The following RBM43 variants were observed in gnomAD, a reference collection of about 807,000 sequenced individuals.
RBM43 encodes RNA binding motif protein 43.
A neutral mutation model predicts 12.4 loss-of-function variants in RBM43; 12 were observed. The ratio of observed to expected loss-of-function variants is 0.97; its 90% CI spans 0.62 to 1.57. The LOEUF (loss-of-function observed/expected upper bound fraction) is 1.57, where lower values mean the gene tolerates loss of function less well. Ranked by LOEUF, RBM43 falls within the 40% of genes most tolerant of loss-of-function variation. The pLI is 0.00. For synonymous variants in RBM43, 138 were observed against 145.7 expected (o/e 0.95, Z 0.38); for missense variants, 348 against 400.1 (o/e 0.87, Z 1.11).
chr2:151,261,729 GC>G lies in RBM43; in HGVS notation c.-3del. 1 of 1,602,368 alleles carries G rather than the reference GC, an allele frequency of 6.2e-7. No homozygotes were observed. The highest frequency in any genetic ancestry group is 1.1e-5 in the South Asian group (1 of 88,908). On this transcript the variant is annotated 5_prime_UTR_variant, in exon 1 of 4. Coordinates refer to ENST00000331426, the MANE Select transcript of RBM43 (RefSeq NM_198557.3). ...CCCAAAGCAAAAGCAACTTGCCATG[GC>G]GGAGGGGAGACGCGCCCTCAGCGGC... is the stretch of plus-strand genomic sequence containing the variant.
At chr2:151,253,813 C>T (rs561914626) in intron 2 of RBM43, among the ~76,000 whole-genome samples, 24 of 152,222 alleles carry the variant, frequency 1.6e-4, no homozygotes, top group Non-Finnish European at 3.2e-4. Flanking sequence ...CAGCTCATTC[C>T]ACTCCAGCCA....
At position 151,249,133 on chromosome 2, in the gene RBM43, C is replaced by T. The variant is rs1286333280; in HGVS notation, c.*1773G>A. 6.6e-6 allele frequency: 1 copy of T among 152,100 alleles called. No individual in the cohort carries two copies. Among genetic ancestry groups the T allele is most frequent in the East Asian group, 1.9e-4 (1 of 5,188 alleles). The allele number at this position is 152,100 out of a possible 1,614,324, so 9.4% of individuals were successfully genotyped here. ...GGGGGTGTAGGGGGTTCAAAGGGCC[C>T]CAACATGGGTACCTCATGCCATAAC... On this transcript the variant is annotated 3_prime_UTR_variant, in exon 4 of 4. Transcript: ENST00000331426.
rs71000461 is a variant in RBM43 at position 151,257,330 on chromosome 2, AC to A, written c.4-1588del. 8.1e-3 allele frequency among the ~76,000 whole-genome samples: 1,227 copies of A among 151,728 alleles called. 22 individuals are homozygous for A. Among genetic ancestry groups the A allele is most frequent in the African/African-American group, 0.028 (1,156 of 41,408 alleles). ...TGCACAAACACACACACACACACAC[AC>A]AAACACACACACACACACACAGTGT... On this transcript the variant is annotated intron_variant, in intron 1 of 3. Transcript: ENST00000331426.
At chr2:151,252,566 TA>T (rs1365626233) in intron 3 of RBM43, among the ~76,000 whole-genome samples, 188 bp downstream of exon 3, 4 of 152,132 alleles carry the variant, frequency 2.6e-5, no homozygotes, top group African/African-American at 9.7e-5. Flanking sequence ...CATAGAAAGA[TA>T]AAAATAGATG....
chr2:151,251,347 A>G lies in RBM43; in HGVS notation c.633T>C (p.Pro211=). 6.2e-7 allele frequency: 1 copy of G among 1,614,088 alleles called. No individual in the cohort carries two copies. Among genetic ancestry groups the G allele is most frequent in the East Asian group, 2.2e-5 (1 of 44,878 alleles). Residue 211 remains proline, a synonymous_variant, in exon 4 of 4, where the codon CCT becomes CCC. Transcript: ENST00000331426. The stretch of plus-strand genomic sequence containing the variant: ...GCATTTCTCCACTTCTAGCAGTCTC[A>G]GGTACTAAGGTCCTGACTGATGCCA... ...NSLASVRTLV[P]ETARSGEMLV...
chr2:151,261,729 G>A lies in RBM43; in HGVS notation c.-2C>T, dbSNP rs1313222647. 1 of 1,602,368 alleles carries A rather than the reference G, an allele frequency of 6.2e-7. No homozygotes were observed. The highest frequency in any genetic ancestry group is 8.5e-7 in the Non-Finnish European group (1 of 1,174,928). ...CCCAAAGCAAAAGCAACTTGCCATG[G>A]CGGAGGGGAGACGCGCCCTCAGCGG... On this transcript the variant is annotated 5_prime_UTR_variant, in exon 1 of 4. Coordinates refer to ENST00000331426, the MANE Select transcript of RBM43 (RefSeq NM_198557.3).
Position 151,255,598 on chromosome 2 carries a change from A to G in RBM43, c.149T>C (p.Val50Ala), listed in dbSNP as rs200443713. Residue 50 changes from valine to alanine, a missense_variant, in exon 2 of 4, where the codon GTT becomes GCT. Coordinates refer to ENST00000331426, the MANE Select transcript of RBM43 (RefSeq NM_198557.3). ...TCTTGTCGGATATATCACATCTTCA[A>G]CATCTCCGCCCTCATTCTTAATGTC... ...FQDIKNEGGD[V>A]EDVIYPTRTK... The G allele has an allele frequency of 6.2e-7, 1 of 1,613,992 alleles. No homozygotes were observed. Among genetic ancestry groups the G allele is most frequent in the South Asian group, 1.1e-5 (1 of 91,066 alleles).
intron 1 of RBM43, among the ~76,000 whole-genome samples, chr2:151,260,622 T>C (rs1683033932): frequency 6.6e-6 from 1 of 152,252 alleles, no homozygotes. Context: ...CTAGTTTCTA[T>C]GAATCATCTA....
chr2:151,252,126 G>A (rs1030510872), intron 3 of RBM43, among the ~76,000 whole-genome samples: 1 of 152,096 alleles, frequency 6.6e-6, no homozygotes, highest in African/African-American at 2.4e-5. Context: ...TCTCTTCAAA[G>A]CTTCTTTTTA....
At chr2:151,261,311 C>A (rs368851293) in intron 1 of RBM43, 1 of 1,550,636 alleles carries the variant, frequency 6.4e-7, no homozygotes. Flanking sequence ...TCTGGCTAAT[C>A]AGGCCACTTT....
At chr2:151,255,503 T>C (rs1171304991) in intron 2 of RBM43, 30 bp downstream of exon 2, 1 of 1,436,310 alleles carries the variant, frequency 7.0e-7, no homozygotes. Context: ...GAAGTATTTC[T>C]AAAATTACAA....
intron 2 of RBM43, 111 bp from the exon 3 acceptor site, chr2:151,252,966 T>C (rs902942694): frequency 1.8e-6 from 1 of 547,964 alleles, no homozygotes; most frequent in Non-Finnish European, 3.2e-6. Context: ...TTTTTCTACA[T>C]TTTTCCTCTA....
intron 2 of RBM43, among the ~76,000 whole-genome samples, chr2:151,254,082 A>C (rs778187827): frequency 3.9e-5 from 6 of 152,100 alleles, no homozygotes; most frequent in Non-Finnish European, 8.8e-5. Context: ...AAATATATTT[A>C]AATAAACAAA....
intron 3 of RBM43, 100 bp downstream of exon 3, chr2:151,252,655 G>T: frequency 1.5e-6 from 1 of 656,312 alleles, no homozygotes; most frequent in Non-Finnish European, 2.7e-6. Context: ...CTTCCTAGAA[G>T]TCATGGAGTG....
At chr2:151,261,237 A>T in intron 1 of RBM43, 1 of 1,540,894 alleles carries the variant, frequency 6.5e-7, no homozygotes, top group Non-Finnish European at 8.8e-7. Flanking sequence ...TGTCTTCCTG[A>T]CTTGCGTCCT....
At chr2:151,257,573 A>G (rs2105192742) in intron 1 of RBM43, among the ~76,000 whole-genome samples, 1 of 152,152 alleles carries the variant, frequency 6.6e-6, no homozygotes, top group Admixed American at 6.5e-5. Context: ...CATGCCTGTA[A>G]TCCCAGCTAC....
chr2:151,258,739 C>T (rs946124779), intron 1 of RBM43, among the ~76,000 whole-genome samples: 1 of 152,072 alleles, frequency 6.6e-6, no homozygotes, highest in African/African-American at 2.4e-5. Flanking sequence ...TCAGAGAGAA[C>T]CTGCTAGCAT....
intron 2 of RBM43, among the ~76,000 whole-genome samples, chr2:151,255,275 C>T (rs975935465): frequency 1.1e-4 from 16 of 151,858 alleles, no homozygotes; most frequent in South Asian, 2.1e-4. Context: ...TTTAGCTGGG[C>T]GTGATGGCAG....
At position 151,247,992 on chromosome 2, in the gene RBM43, C is replaced by T. The variant is rs1027070982; in HGVS notation, c.*2914G>A. ...ATTTTAGTCATGATATAGTAAAACA[C>T]GTAAATTCACCAGTTTATAAAAATG... On this transcript the variant is annotated 3_prime_UTR_variant, in exon 4 of 4. Coordinates refer to ENST00000331426, the MANE Select transcript of RBM43 (RefSeq NM_198557.3). The T allele has an allele frequency of 3.3e-5, 5 of 152,128 alleles. No homozygotes were observed. Among genetic ancestry groups the T allele is most frequent in the East Asian group, 1.9e-4 (1 of 5,190 alleles). 9.4% of individuals were successfully genotyped at this position (152,128 alleles called of 1,614,324 possible). A position where few individuals can be genotyped will look rare whatever the true frequency, so the allele number is the denominator to read the frequency against.
Sources: allele counts gnomAD v4.1 joint callset (sites outside exome capture counted in the v4.1 genomes callset), GRCh38; gene constraint gnomAD v4.1.1; transcripts MANE v1.5; gene names NCBI Gene and HGNC (gene_info 2026-07-23, HGNC 2026-07-21).